The following SOS2 variants were observed in gnomAD, a reference collection of about 807,000 sequenced individuals.
SOS2 encodes SOS Ras/Rho guanine nucleotide exchange factor 2.
SOS2 carries 65 observed loss-of-function variants against 148.2 expected under a neutral mutation model. The observed-to-expected ratio is 0.44, with a 90% confidence interval of 0.36 to 0.54. The LOEUF (loss-of-function observed/expected upper bound fraction) is 0.54. Ranked by LOEUF, SOS2 falls within the 20% of genes least tolerant of loss-of-function variation. The pLI is 0.00. For missense variants in SOS2, 1,341 were observed against 1,590.2 expected (o/e 0.84, Z 2.67); for synonymous variants, 539 against 537.1 (o/e 1.00, Z -0.05).
At position 50,151,825 on chromosome 14, in the gene SOS2, G is replaced by A. The variant is rs372799810; in HGVS notation, c.2161+1245C>T. 2.6e-4 allele frequency among the ~76,000 whole-genome samples: 40 copies of A among 152,224 alleles called. No individual in the cohort carries two copies. In the East Asian group the frequency reaches 5.6e-3, roughly 21 times the overall value. ...GCAGCCTCGAGCTCTGGGCTTAAAA[G>A]TGATCGCTTCACCTCAGCCTCCCGA... On this transcript the variant is annotated intron_variant, in intron 13 of 22. Coordinates refer to ENST00000216373, the MANE Select transcript of SOS2 (RefSeq NM_006939.4).
intron 1 of SOS2, among the ~76,000 whole-genome samples, chr14:50,221,969 C>T (rs1887217871): frequency 6.6e-6 from 1 of 151,826 alleles, no homozygotes; most frequent in African/African-American, 2.4e-5. Flanking sequence ...CGATTAAAGA[C>T]TTAAATCTAA....
intron 12 of SOS2, among the ~76,000 whole-genome samples, chr14:50,153,442 A>C (rs933220904): frequency 6.6e-6 from 1 of 152,212 alleles, no homozygotes; most frequent in Non-Finnish European, 1.5e-5. Flanking sequence ...ATTTATGTTA[A>C]GGAAAAGTAC....
chr14:50,121,833 T>C (rs896796416), intron 21 of SOS2, among the ~76,000 whole-genome samples: 5 of 152,210 alleles, frequency 3.3e-5, no homozygotes, highest in Non-Finnish European at 5.9e-5. Flanking sequence ...GCAGAGGATG[T>C]TCCTCAGACC....
At chr14:50,132,964 A>T (rs1346196265) in intron 19 of SOS2, among the ~76,000 whole-genome samples, 1 of 151,878 alleles carries the variant, frequency 6.6e-6, no homozygotes, top group Non-Finnish European at 1.5e-5. Flanking sequence ...GCTCCTTCTG[A>T]CTTTTTTTGT....
intron 21 of SOS2, among the ~76,000 whole-genome samples, chr14:50,121,185 T>C (rs1402357930): frequency 6.6e-6 from 1 of 152,164 alleles, no homozygotes; most frequent in African/African-American, 2.4e-5. Flanking sequence ...GTTATATAAC[T>C]ACATTAAAGG....
At position 50,134,171 on chromosome 14, in the gene SOS2, G is replaced by C; in HGVS notation, c.3027C>G (p.Asn1009Lys). 1 of 1,609,098 alleles carries C rather than the reference G, an allele frequency of 6.2e-7. No individual in the cohort carries two copies. The highest frequency in any genetic ancestry group is 2.2e-5 in the East Asian group (1 of 44,764). ...SEKEFTDYLF[N>K]KSLEIEPRNC... ...TTCGAGGTTCAATTTCTAGTGACTT[G>C]TTGAACAAATAATCTGTAAACTCTT... Residue 1009 changes from asparagine (N) to lysine (K), a missense_variant, in exon 19 of 23, where the codon AAC becomes AAG. By Grantham distance (94) the Asn-to-Lys change is moderately conservative. Transcript: ENST00000216373.
rs554909319 is a variant in SOS2 at position 50,147,554 on chromosome 14, C to T, written c.2385-1958G>A. On this transcript the variant is annotated intron_variant, in intron 14 of 22. Coordinates refer to ENST00000216373, the MANE Select transcript of SOS2 (RefSeq NM_006939.4). The stretch of plus-strand genomic sequence containing the variant: ...AAAAAAAGTGTACAACAATGCTATA[C>T]GTTGTTTATGAATCTCCGTGTATGT... Among the ~76,000 whole-genome samples, 7 of 146,770 alleles carry T rather than the reference C, an allele frequency of 4.8e-5. 1 individual carries two copies. In the South Asian group the frequency reaches 8.7e-4, roughly 18 times the overall value.
At chr14:50,151,791 C>T (rs1274265808) in intron 13 of SOS2, among the ~76,000 whole-genome samples, 1 of 152,086 alleles carries the variant, frequency 6.6e-6, no homozygotes, top group Non-Finnish European at 1.5e-5. Context: ...GTTGCAATTT[C>T]GGGTCACTGC....
intron 1 of SOS2, among the ~76,000 whole-genome samples, chr14:50,224,594 A>T (rs1289097274): frequency 6.6e-6 from 1 of 152,086 alleles, no homozygotes; most frequent in Non-Finnish European, 1.5e-5. Flanking sequence ...TGTATGTAAG[A>T]AGTAGTTTTT....
At chr14:50,168,380 C>T (rs571427314) in intron 8 of SOS2, among the ~76,000 whole-genome samples, 102 of 152,214 alleles carry the variant, frequency 6.7e-4, no homozygotes, top group Admixed American at 6.7e-3. Context: ...CATTACCACG[C>T]TCAGCTAATT....
Position 50,118,074 on chromosome 14 carries a change from G to T in SOS2, c.*270C>A, listed in dbSNP as rs1353987891. On this transcript the variant is annotated 3_prime_UTR_variant, in exon 23 of 23. Transcript: ENST00000216373. ...TGTCACTTTAAACCATATTTTTGCA[G>T]AGTTTACAGTGCAAATATAAATTCT... The T allele has an allele frequency of 5.6e-6, 2 of 354,328 alleles. No homozygotes were observed. The highest frequency in any genetic ancestry group is 5.0e-5 in the East Asian group (1 of 19,826). The allele number at this position is 354,328 out of a possible 1,614,324, so 21.9% of individuals were successfully genotyped here.
Position 50,174,167 on chromosome 14 carries a change from A to G in SOS2, c.1068+287T>C, listed in dbSNP as rs917400468. On this transcript the variant is annotated intron_variant, in intron 8 of 22. Transcript: ENST00000216373. ...GGTTGGCTAGTTAATTAAAATAGAG[A>G]AGAGAGTCATTTTTTTTAAGTTATA... Among the ~76,000 whole-genome samples, 27 of 139,902 alleles carry G rather than the reference A, an allele frequency of 1.9e-4. No individual in the cohort carries two copies. In the Admixed American group the frequency reaches 2.1e-3, roughly 11 times the overall value. 91.8% of individuals were successfully genotyped at this position (139,902 alleles called of 152,430 possible).
At chr14:50,167,535 A>T (rs933873118) in intron 8 of SOS2, among the ~76,000 whole-genome samples, 3 of 150,054 alleles carry the variant, frequency 2.0e-5, no homozygotes, top group Non-Finnish European at 1.5e-5. Context: ...GACTCTGTCT[A>T]AAAAAAACAG....
chr14:50,180,442 G>C (rs1039419923), intron 7 of SOS2, 130 bp downstream of exon 7: 109 of 577,738 alleles, frequency 1.9e-4, no homozygotes, highest in Non-Finnish European at 2.8e-4. Flanking sequence ...ATCCAAAACA[G>C]GTTTAGAATG....
Position 50,118,632 on chromosome 14 carries a change from A to T in SOS2, c.3711T>A (p.Pro1237=), listed in dbSNP as rs750465710. ...FINCPFNLQP[P]PLGHLHRDSD... Reference sequence around the variant, plus strand: ...AATCTCTGTGAAGATGCCCCAGTGGAGGTGGCTGAAGATTAAATGGACAGT... The same window carrying T: ...AATCTCTGTGAAGATGCCCCAGTGGTGGTGGCTGAAGATTAAATGGACAGT... The change falls in exon 23 of 23, where the codon CCT becomes CCA. Residue 1237 remains proline, a synonymous_variant. Transcript: ENST00000216373. The T allele has an allele frequency of 6.2e-7, 1 of 1,614,056 alleles. No individual in the cohort carries two copies.
At chr14:50,166,477 C>T (rs1454157686) in intron 8 of SOS2, among the ~76,000 whole-genome samples, 2 of 152,162 alleles carry the variant, frequency 1.3e-5, no homozygotes, top group African/African-American at 2.4e-5. Flanking sequence ...AATCCACCTT[C>T]CTTGGCCTCC....
At chr14:50,182,718 C>G in intron 5 of SOS2, 112 bp from the exon 6 acceptor site, 1 of 755,204 alleles carries the variant, frequency 1.3e-6, no homozygotes, top group Non-Finnish European at 2.1e-6. Flanking sequence ...ATGGAATAGC[C>G]CTGCTCCACA....
At chr14:50,179,545 T>C (rs1014431517) in intron 7 of SOS2, among the ~76,000 whole-genome samples, 1 of 151,994 alleles carries the variant, frequency 6.6e-6, no homozygotes, top group Non-Finnish European at 1.5e-5. Context: ...TTTTATATTT[T>C]GTAGAGATGA....
At chr14:50,121,646 G>C (rs1460571478) in intron 21 of SOS2, among the ~76,000 whole-genome samples, 1 of 149,976 alleles carries the variant, frequency 6.7e-6, no homozygotes, top group Non-Finnish European at 1.5e-5. Context: ...ACTCTGAACT[G>C]AACTGCTTAT....
Sources: gnomAD v4.1 joint callset for allele counts (sites outside exome capture counted in the v4.1 genomes callset) on GRCh38, gnomAD v4.1.1 for gene constraint, MANE v1.5 for transcripts, NCBI Gene and HGNC (gene_info 2026-07-23, HGNC 2026-07-21) for gene names.